Variants in GABRB2 observed in about 807,000 individuals in gnomAD.
GABRB2 encodes the protein gamma-aminobutyric acid type A receptor subunit beta2, also known as gamma-aminobutyric acid receptor subunit beta-2.
A neutral mutation model predicts 54.7 loss-of-function variants in GABRB2; 16 were observed. The ratio of observed to expected loss-of-function variants is 0.29; its 90% confidence interval spans 0.20 to 0.44. The LOEUF (loss-of-function observed/expected upper bound fraction) is 0.44, where lower values mean the gene tolerates loss of function less well. GABRB2 is among the 20% of genes least tolerant of loss of function. GABRB2 has a pLI of 1.00. For synonymous variants in GABRB2, 244 were observed against 233.8 expected, an observed-to-expected ratio of 1.04 and a Z score of -0.40; for missense variants, 355 against 644.0, an observed-to-expected ratio of 0.55 and a Z score of 4.86.
chr5:161,498,410 CTTTG>C (rs1554104573), intron 3 of GABRB2, among the ~76,000 whole-genome samples: 1 of 151,666 alleles, frequency 6.6e-6, no homozygotes, highest in Non-Finnish European at 1.5e-5. Flanking sequence ...TATCTATTGG[CTTTG>C]AGATGCTGGA....
chr5:161,530,198 A>C (rs1334798280), intron 3 of GABRB2, among the ~76,000 whole-genome samples: 2 of 152,094 alleles, frequency 1.3e-5, no homozygotes, highest in Non-Finnish European at 2.9e-5. Flanking sequence ...TTTTTAAGGG[A>C]GAACATGAAC....
intron 5 of GABRB2, among the ~76,000 whole-genome samples, chr5:161,384,954 T>G (rs1376669450): frequency 1.3e-5 from 2 of 152,158 alleles, no homozygotes; most frequent in Non-Finnish European, 2.9e-5. Flanking sequence ...CTGCTTTTCT[T>G]TCATCCTCTG....
chr5:161,338,318 C>T (rs75853444), intron 5 of GABRB2, among the ~76,000 whole-genome samples: 1,831 of 152,104 alleles, frequency 0.012, 20 homozygotes, highest in Non-Finnish European at 0.018. Flanking sequence ...AGAAGCCCTC[C>T]GGATATAGTT....
At chr5:161,472,397 C>T (rs1234128491) in intron 3 of GABRB2, among the ~76,000 whole-genome samples, 1 of 151,556 alleles carries the variant, frequency 6.6e-6, no homozygotes, top group Non-Finnish European at 1.5e-5. Context: ...TTACCCTCCA[C>T]CTTCCCTCCA....
chr5:161,376,744 A>G (rs1224095963), intron 5 of GABRB2, among the ~76,000 whole-genome samples: 2 of 152,182 alleles, frequency 1.3e-5, no homozygotes, highest in East Asian at 1.9e-4. Flanking sequence ...ATAAACTGCC[A>G]TATACCCTAA....
chr5:161,376,683 A>G (rs1163016298), intron 5 of GABRB2, among the ~76,000 whole-genome samples: 3 of 152,168 alleles, frequency 2.0e-5, no homozygotes, highest in African/African-American at 7.2e-5. Context: ...GTAAAACATA[A>G]TAATCCCAGC....
chr5:161,389,192 T>C (rs2113028212), intron 5 of GABRB2, among the ~76,000 whole-genome samples: 1 of 152,132 alleles, frequency 6.6e-6, no homozygotes, highest in South Asian at 2.1e-4. Flanking sequence ...ATTCTAGAAT[T>C]TGATGCATCC....
chr5:161,334,443 T>C (rs192222694), intron 7 of GABRB2, among the ~76,000 whole-genome samples: 1 of 152,284 alleles, frequency 6.6e-6, no homozygotes, highest in East Asian at 1.9e-4. Context: ...GAAGCACAGA[T>C]ACAAATTGAA....
chr5:161,302,846 A>G (rs1757577467), intron 9 of GABRB2, among the ~76,000 whole-genome samples: 2 of 152,198 alleles, frequency 1.3e-5, no homozygotes, highest in Non-Finnish European at 2.9e-5. Context: ...TATGAAATGC[A>G]AATTCTATGA....
At chr5:161,307,867 T>C (rs1757738981) in intron 9 of GABRB2, among the ~76,000 whole-genome samples, 1 of 151,192 alleles carries the variant, frequency 6.6e-6, no homozygotes. Context: ...CTAATTCTTT[T>C]TTTTTTTTTT....
chr5:161,396,436 C>T (rs1275864235), intron 5 of GABRB2, among the ~76,000 whole-genome samples: 1 of 152,178 alleles, frequency 6.6e-6, no homozygotes, highest in Admixed American at 6.5e-5. Context: ...TCTCTGGTTT[C>T]CCAGAAGAGA....
Position 161,289,318 on chromosome 5 carries a change from C to T in GABRB2, c.*4763G>A, listed in dbSNP as rs1380693870. ...ACTCCTTTCTGGTTTTTACAATGTT[C>T]CTAGTGCATTTGGAAAATATTTTTT... is the stretch of plus-strand genomic sequence containing the variant. On this transcript the variant is annotated 3_prime_UTR_variant, in exon 10 of 10. Coordinates refer to ENST00000393959, the MANE Select transcript of GABRB2 (RefSeq NM_001371727.1). The T allele has an allele frequency of 8.7e-6, 1 of 114,900 alleles. No homozygotes were observed. Among genetic ancestry groups the T allele is most frequent in the African/African-American group, 3.5e-5 (1 of 28,310 alleles). 7.1% of individuals were successfully genotyped at this position (114,900 alleles called of 1,614,324 possible).
At chr5:161,432,139 G>A (rs775195876) in intron 4 of GABRB2, among the ~76,000 whole-genome samples, 1 of 152,144 alleles carries the variant, frequency 6.6e-6, no homozygotes, top group Non-Finnish European at 1.5e-5. Flanking sequence ...GGTTTCTGCA[G>A]TTTCTCTCAG....
chr5:161,453,775 G>A (rs1194189713), intron 4 of GABRB2, among the ~76,000 whole-genome samples: 1 of 152,082 alleles, frequency 6.6e-6, no homozygotes, highest in Non-Finnish European at 1.5e-5. Context: ...AGTGGCTCAT[G>A]CCTGTAATCC....
At chr5:161,429,777 A>G (rs1032016977) in intron 4 of GABRB2, among the ~76,000 whole-genome samples, 4 of 152,198 alleles carry the variant, frequency 2.6e-5, no homozygotes, top group African/African-American at 9.6e-5. Context: ...ACTCAGACGC[A>G]TAGAGGGCAG....
intron 4 of GABRB2, among the ~76,000 whole-genome samples, chr5:161,416,814 A>G (rs920525555): frequency 2.0e-5 from 3 of 152,024 alleles, no homozygotes; most frequent in Admixed American, 2.0e-4. Flanking sequence ...ATTTACATAA[A>G]AGCACAATTT....
chr5:161,343,087 T>A lies in GABRB2; in HGVS notation c.542-6318A>T, dbSNP rs925161737. Among the ~76,000 whole-genome samples the A allele has an allele frequency of 1.3e-5, 2 of 152,178 alleles. 1 individual carries two copies. The highest frequency in any genetic ancestry group is 4.1e-4 in the South Asian group (2 of 4,826). ...GGATCTTTCGAGAGGCAGAGACAGATACACACTTCTCAGTCATAACTCTTT... is the reference window on the plus strand; with the variant it reads ...GGATCTTTCGAGAGGCAGAGACAGAAACACACTTCTCAGTCATAACTCTTT... On this transcript the variant is annotated intron_variant, in intron 5 of 9. Transcript: ENST00000393959.
intron 4 of GABRB2, among the ~76,000 whole-genome samples, chr5:161,442,368 A>G (rs937871213): frequency 6.6e-6 from 1 of 152,186 alleles, no homozygotes; most frequent in Non-Finnish European, 1.5e-5. Flanking sequence ...CTTTTTGTCA[A>G]CTTGGGGGAA....
At chr5:161,494,206 T>A (rs1452265211) in intron 3 of GABRB2, among the ~76,000 whole-genome samples, 2 of 151,964 alleles carry the variant, frequency 1.3e-5, no homozygotes, top group East Asian at 3.9e-4. Flanking sequence ...CAAGATTGGA[T>A]AAACATTCCT....
Sources: allele counts gnomAD v4.1 joint callset (sites outside exome capture counted in the v4.1 genomes callset), GRCh38; gene constraint gnomAD v4.1.1; transcripts MANE v1.5; gene names NCBI Gene and HGNC (gene_info 2026-07-23, HGNC 2026-07-21).